Variants in ITSN1 observed in about 807,000 individuals in gnomAD.
The protein encoded by ITSN1 is intersectin 1.
In ITSN1, 58 loss-of-function variants were observed where a neutral mutation model predicts 239.8. The observed-to-expected ratio is 0.24, with a 90% CI of 0.20 to 0.30. The LOEUF is 0.30. Ranked by LOEUF, ITSN1 falls within the 10% of genes least tolerant of loss-of-function variation. The pLI, the probability that ITSN1 is intolerant of heterozygous loss-of-function variation, is 1.00. For missense variants in ITSN1, 1,558 were observed against 2,103.3 expected (o/e 0.74, Z 5.07); for synonymous variants, 780 against 770.8 (o/e 1.01, Z -0.20).
At position 33,858,810 on chromosome 21, in the gene ITSN1, T is replaced by C. The variant is rs771921372; in HGVS notation, c.3890+18T>C. On this transcript the variant is annotated intron_variant, in intron 31 of 39. Transcript: ENST00000381318. Reference sequence around the variant, plus strand: ...CTACTAAAGTAAGCCTCTCCTCTAATCCCCAGCCTGGCTTGGCCTCCTCGG... The same window carrying C: ...CTACTAAAGTAAGCCTCTCCTCTAACCCCCAGCCTGGCTTGGCCTCCTCGG... 2.6e-6 allele frequency: 4 copies of C among 1,535,514 alleles called. No homozygotes were observed. The Admixed American group carries it at 5.1e-5, about 19-fold the overall frequency.
chr21:33,825,091 T>A (rs1403899238), intron 25 of ITSN1, among the ~76,000 whole-genome samples: 2 of 152,216 alleles, frequency 1.3e-5, no homozygotes, highest in Non-Finnish European at 2.9e-5. Context: ...GACTTTACCT[T>A]TTGGATCAGT....
chr21:33,835,666 C>T (rs1318885778), intron 28 of ITSN1, among the ~76,000 whole-genome samples: 3 of 152,216 alleles, frequency 2.0e-5, no homozygotes, highest in Admixed American at 1.3e-4. Context: ...CATGGTGGCT[C>T]GCGCCTGTAA....
chr21:33,726,341 G>A (rs899759405), intron 4 of ITSN1, among the ~76,000 whole-genome samples: 1 of 141,170 alleles, frequency 7.1e-6, no homozygotes, highest in African/African-American at 2.5e-5. Context: ...ATCTAAAGAA[G>A]CAGCTCCCTC....
At chr21:33,869,435 C>T (rs905068003) in intron 33 of ITSN1, among the ~76,000 whole-genome samples, 1 of 152,248 alleles carries the variant, frequency 6.6e-6, no homozygotes, top group African/African-American at 2.4e-5. Context: ...CAATTATCTC[C>T]ACCTGGTCTC....
At chr21:33,687,398 T>TAAAA (rs58230508) in intron 1 of ITSN1, among the ~76,000 whole-genome samples, 10 of 81,340 alleles carry the variant, frequency 1.2e-4, no homozygotes, top group East Asian at 5.1e-4. Context: ...AACTCCATCT[T>TAAAA]AAAAAAAAAA....
chr21:33,776,676 C>G (rs1025840990), intron 14 of ITSN1, among the ~76,000 whole-genome samples: 2 of 152,090 alleles, frequency 1.3e-5, no homozygotes, highest in African/African-American at 4.8e-5. Context: ...TGTTGGGAAT[C>G]ATCTTACATG....
In ITSN1 at chr21:33,695,478, T is replaced by C. The variant is rs547063141; in HGVS notation, c.-32-23319T>C. ...TTTCTTCAGTAACAGTTGTTATCTT[T>C]TAAAAATCTTCTCCATGGTATTTGG... On this transcript the variant is annotated intron_variant, in intron 1 of 39. Transcript: ENST00000381318. Among the ~76,000 whole-genome samples the C allele has an allele frequency of 2.0e-5, 3 of 152,376 alleles. No individual in the cohort carries two copies. In the East Asian group the frequency reaches 5.8e-4, roughly 29 times the overall value.
In ITSN1 at chr21:33,829,751, T is replaced by C. The variant is rs1390956398; in HGVS notation, c.3351+6T>C. 6.2e-7 allele frequency: 1 copy of C among 1,613,114 alleles called. No individual in the cohort carries two copies. The highest frequency in any genetic ancestry group is 8.5e-7 in the Non-Finnish European group (1 of 1,179,734). On this transcript the variant is annotated splice_donor_region_variant and intron_variant, in intron 27 of 39. Coordinates refer to ENST00000381318, the MANE Select transcript of ITSN1 (RefSeq NM_003024.3). ...GGTGGGAAGGAGAGCTGCAAGTCAGTGTCTTTTTTGTTTATTTACAATTCT... is the reference window on the plus strand; with the variant it reads ...GGTGGGAAGGAGAGCTGCAAGTCAGCGTCTTTTTTGTTTATTTACAATTCT...
chr21:33,761,842 C>T (rs1164782028), intron 8 of ITSN1, 81 bp from the exon 9 acceptor site: 4 of 969,048 alleles, frequency 4.1e-6, no homozygotes, highest in Non-Finnish European at 6.7e-6. Context: ...TGGAGTAGTC[C>T]ACATACGCAG....
At chr21:33,761,135 G>C (rs2068289741) in intron 8 of ITSN1, among the ~76,000 whole-genome samples, 1 of 151,720 alleles carries the variant, frequency 6.6e-6, no homozygotes, top group African/African-American at 2.4e-5. Context: ...GAGTGCAGTG[G>C]CATAATCTTG....
At chr21:33,656,402 G>A (rs1404115927) in intron 1 of ITSN1, among the ~76,000 whole-genome samples, 2 of 152,218 alleles carry the variant, frequency 1.3e-5, no homozygotes, top group African/African-American at 4.8e-5. Context: ...TTTCAGTGGT[G>A]TCATTTCCTT....
chr21:33,773,382 AAATTT>A, intron 12 of ITSN1, among the ~76,000 whole-genome samples: 1 of 152,154 alleles, frequency 6.6e-6, no homozygotes, highest in African/African-American at 2.4e-5. Flanking sequence ...AAGGCTTCGT[AAATTT>A]AGCGCCATAC....
chr21:33,738,137 A>G (rs2066615379), intron 5 of ITSN1, among the ~76,000 whole-genome samples: 1 of 151,650 alleles, frequency 6.6e-6, no homozygotes, highest in South Asian at 2.1e-4. Flanking sequence ...GAGCCAAGGG[A>G]GATCGTGCCA....
chr21:33,876,137 CTT>C (rs1983773626), intron 34 of ITSN1, among the ~76,000 whole-genome samples: 1 of 17,440 alleles, frequency 5.7e-5, no homozygotes, highest in Non-Finnish European at 9.8e-5. Flanking sequence ...TTCTTTCTTT[CTT>C]TCTTTCTTTC....
In ITSN1 at chr21:33,751,879, A is replaced by G. The variant is rs1192284766; in HGVS notation, c.596A>G (p.Gln199Arg). Residue 199 changes from glutamine (Q) to arginine (R), a missense_variant, in exon 7 of 40, where the codon CAA (glutamine) becomes CGA (arginine). This residue lies in a region of ITSN1 where 982 missense variants were observed against 1,209.9 expected (regional missense o/e 0.81). Transcript: ENST00000381318. Reference protein sequence around the residue: ...GPGSQLNTKLQKAQSFDVASV... With the variant: ...GPGSQLNTKLRKAQSFDVASV... The stretch of plus-strand genomic sequence containing the variant: ...GGGTCACAACTAAACACTAAATTAC[A>G]AAAGGCACAGTCATTTGATGTGGCC... 1.2e-6 allele frequency: 2 copies of G among 1,613,488 alleles called. No homozygotes were observed. The highest frequency in any genetic ancestry group is 4.5e-5 in the East Asian group (2 of 44,876).
intron 5 of ITSN1, among the ~76,000 whole-genome samples, chr21:33,744,529 G>A (rs2067067057): frequency 6.6e-6 from 1 of 152,122 alleles, no homozygotes; most frequent in African/African-American, 2.4e-5. Context: ...CAGCAGCACT[G>A]AGCATCCTTA....
chr21:33,867,889 C>A (rs1273558687), intron 33 of ITSN1, among the ~76,000 whole-genome samples: 2 of 151,914 alleles, frequency 1.3e-5, no homozygotes, highest in Middle Eastern at 3.2e-3. Flanking sequence ...CTTAAGGCAG[C>A]GCGTCTGGAG....
chr21:33,707,521 A>C (rs527589771), intron 1 of ITSN1, among the ~76,000 whole-genome samples: 2 of 152,182 alleles, frequency 1.3e-5, no homozygotes, highest in Non-Finnish European at 2.9e-5. Flanking sequence ...TTCCCCCAAA[A>C]GGTTCTTGTG....
At chr21:33,710,951 G>A (rs371476476) in intron 1 of ITSN1, among the ~76,000 whole-genome samples, 17 of 151,880 alleles carry the variant, frequency 1.1e-4, no homozygotes, top group Admixed American at 4.6e-4. Context: ...GACTACAGGC[G>A]CGTGCTACCA....
Sources: gnomAD v4.1 joint callset for allele counts (sites outside exome capture counted in the v4.1 genomes callset) on GRCh38, gnomAD v4.1.1 for gene constraint, gnomAD v4.1.1 regional missense constraint, MANE v1.5 for transcripts, NCBI Gene and HGNC (gene_info 2026-07-23, HGNC 2026-07-21) for gene names.